FUT4: variants seen among roughly 807,000 people sequenced by gnomAD.
The protein encoded by FUT4 is fucosyltransferase 4.
Under a neutral mutation model 3.8 loss-of-function variants are expected in FUT4, and 1 was observed. The observed-to-expected ratio is 0.26, with a 90% CI of 0.09 to 1.25. FUT4 has a LOEUF of 1.25. Ranked by LOEUF, FUT4 falls within the 50% of genes most tolerant of loss-of-function variation. FUT4 has a pLI of 0.47. For missense variants in FUT4, 880 were observed against 768.2 expected (o/e 1.15, Z -1.72); for synonymous variants, 417 against 355.3 (o/e 1.17, Z -1.95).
Position 94,545,810 on chromosome 11 carries a change from A to C in FUT4, c.*84A>C. On this transcript the variant is annotated 3_prime_UTR_variant, in exon 1 of 1. Coordinates refer to ENST00000358752, the MANE Select transcript of FUT4 (RefSeq NM_002033.4). ...TACTGTGCATCTCCTTGACTGCCGC[A>C]TCATGGGAGTAAGTTCTTCAAACAC... The C allele has an allele frequency of 6.8e-6, 10 of 1,463,100 alleles. No individual in the cohort carries two copies. Among genetic ancestry groups the C allele is most frequent in the Non-Finnish European group, 9.4e-6 (10 of 1,066,590 alleles). 90.6% of individuals were successfully genotyped at this position (1,463,100 alleles called of 1,614,324 possible). A position where few individuals can be genotyped will look rare whatever the true frequency, so the allele number is the denominator to read the frequency against.
In FUT4 at chr11:94,545,833, C is replaced by CA; in HGVS notation, c.*108dup. 7.5e-7 allele frequency: 1 copy of CA among 1,339,084 alleles called. No individual in the cohort carries two copies. Among genetic ancestry groups the CA allele is most frequent in the South Asian group, 1.3e-5 (1 of 79,332 alleles). The allele number at this position is 1,339,084 out of a possible 1,614,324, so 83.0% of individuals were successfully genotyped here. ...GCATCATGGGAGTAAGTTCTTCAAACACCCATTTTTGCTCTATGGGAAAAA... is the reference window on the plus strand; with the variant it reads ...GCATCATGGGAGTAAGTTCTTCAAACAACCCATTTTTGCTCTATGGGAAAAA... On this transcript the variant is annotated 3_prime_UTR_variant, in exon 1 of 1. Coordinates refer to ENST00000358752, the MANE Select transcript of FUT4 (RefSeq NM_002033.4).
rs1282869284 is a variant in FUT4 at position 94,549,376 on chromosome 11, A to G, written c.*3650A>G. 2 of 167,190 alleles carry G rather than the reference A, an allele frequency of 1.2e-5. No homozygotes were observed. The highest frequency in any genetic ancestry group is 6.5e-5 in the Admixed American group (1 of 15,308). The allele number at this position is 167,190 out of a possible 1,614,324, so 10.4% of individuals were successfully genotyped here. A position where few individuals can be genotyped will look rare whatever the true frequency, so the allele number is the denominator to read the frequency against. On this transcript the variant is annotated 3_prime_UTR_variant, in exon 1 of 1. Coordinates refer to ENST00000358752, the MANE Select transcript of FUT4 (RefSeq NM_002033.4). ...ACTGAAGGACTTGCATAACATTACA[A>G]TAGCAGTGGCAGAACCAGCCATGCT...
At position 94,545,063 on chromosome 11, in the gene FUT4, A is replaced by G. The variant is rs1202838659; in HGVS notation, c.930A>G (p.Ala310=). 6.2e-7 allele frequency: 1 copy of G among 1,612,526 alleles called. No individual in the cohort carries two copies. The highest frequency in any genetic ancestry group is 8.5e-7 in the Non-Finnish European group (1 of 1,179,698). ...PSHSPGLRSL[A]SNLFNWTLSY... Reference sequence around the variant, plus strand: ...ACTCCCCGGGGCTGCGAAGCCTGGCAAGTAACCTCTTCAACTGGACGCTCT... The same window carrying G: ...ACTCCCCGGGGCTGCGAAGCCTGGCGAGTAACCTCTTCAACTGGACGCTCT... The change falls in exon 1 of 1, where the codon GCA becomes GCG. Residue 310 remains alanine, a synonymous_variant. Coordinates refer to ENST00000358752, the MANE Select transcript of FUT4 (RefSeq NM_002033.4).
rs1947858634 is a variant in FUT4 at position 94,546,082 on chromosome 11, A to G, written c.*356A>G. On this transcript the variant is annotated 3_prime_UTR_variant, in exon 1 of 1. Transcript: ENST00000358752. Reference sequence around the variant, plus strand: ...AATTTCCCCATCTGCCACAGGCCATATTTGTGGCCCGTGCAGCTTCCAAAT... The same window carrying G: ...AATTTCCCCATCTGCCACAGGCCATGTTTGTGGCCCGTGCAGCTTCCAAAT... 2 of 393,740 alleles carry G rather than the reference A, an allele frequency of 5.1e-6. No homozygotes were observed. Among genetic ancestry groups the G allele is most frequent in the African/African-American group, 4.2e-5 (2 of 47,850 alleles). 24.4% of individuals were successfully genotyped at this position (393,740 alleles called of 1,614,324 possible). A position where few individuals can be genotyped will look rare whatever the true frequency, so the allele number is the denominator to read the frequency against.
In FUT4 at chr11:94,546,302, A is replaced by C. The variant is rs1947861664; in HGVS notation, c.*576A>C. On this transcript the variant is annotated 3_prime_UTR_variant, in exon 1 of 1. Coordinates refer to ENST00000358752, the MANE Select transcript of FUT4 (RefSeq NM_002033.4). ...CCAAGAGGGGCCGCTGACTTCTTTCACAAGTACTATCTGTTCCCCTGTCCT... is the reference window on the plus strand; with the variant it reads ...CCAAGAGGGGCCGCTGACTTCTTTCCCAAGTACTATCTGTTCCCCTGTCCT... 4.3e-6 allele frequency: 1 copy of C among 234,060 alleles called. No homozygotes were observed. Among genetic ancestry groups the C allele is most frequent in the East Asian group, 1.1e-4 (1 of 9,306 alleles). 14.5% of individuals were successfully genotyped at this position (234,060 alleles called of 1,614,324 possible).
Position 94,544,969 on chromosome 11 carries a change from C to G in FUT4, c.836C>G (p.Ala279Gly). Residue 279 changes from alanine (A) to glycine (G), a missense_variant, in exon 1 of 1, where the codon GCC becomes GGC. Around this residue, in one of 3 missense-constraint regions of FUT4, gnomAD observed 424 missense variants for 400.4 expected, o/e 1.06. Transcript: ENST00000358752. ...DYEEAAAAAE[A>G]LATSSPRPPG... ...GAGGAGGCAGCGGCGGCGGCAGAAG[C>G]CCTGGCGACCTCCAGCCCCAGGCCC... 1 of 1,605,902 alleles carries G rather than the reference C, an allele frequency of 6.2e-7. No homozygotes were observed. The highest frequency in any genetic ancestry group is 8.5e-7 in the Non-Finnish European group (1 of 1,176,612).
In FUT4 at chr11:94,545,227, A is replaced by T; in HGVS notation, c.1094A>T (p.Asp365Val). The T allele has an allele frequency of 6.2e-7, 1 of 1,610,910 alleles. No homozygotes were observed. Among genetic ancestry groups the T allele is most frequent in the Non-Finnish European group, 8.5e-7 (1 of 1,179,804 alleles). Residue 365 changes from aspartate to valine, a missense_variant, in exon 1 of 1, where the codon GAC becomes GTC. This residue lies in a region of FUT4 where 424 missense variants were observed against 400.4 expected (regional missense o/e 1.06). Transcript: ENST00000358752. Reference protein sequence around the residue: ...GLVAWVVSHWDERQARVRYYH... With the variant: ...GLVAWVVSHWVERQARVRYYH... ...GTGGCATGGGTGGTGAGCCACTGGGACGAGCGCCAGGCCCGGGTCCGCTAC... is the reference window on the plus strand; with the variant it reads ...GTGGCATGGGTGGTGAGCCACTGGGTCGAGCGCCAGGCCCGGGTCCGCTAC...
rs766510585 is a variant in FUT4, at chr11:94,545,131, T to C, written c.998T>C (p.Leu333Pro). ...DSDVFVPYGYLYPRSHPGDPP... is the reference protein window; with the variant it reads ...DSDVFVPYGYPYPRSHPGDPP... ...GACGTCTTTGTGCCTTATGGCTACCTCTACCCCAGAAGCCACCCCGGCGAC... is the reference window on the plus strand; with the variant it reads ...GACGTCTTTGTGCCTTATGGCTACCCCTACCCCAGAAGCCACCCCGGCGAC... The change falls in exon 1 of 1, where the codon CTC (leucine) becomes CCC (proline). Residue 333 changes from leucine (L) to proline (P), a missense_variant. Coordinates refer to ENST00000358752, the MANE Select transcript of FUT4 (RefSeq NM_002033.4). 1 of 1,612,356 alleles carries C rather than the reference T, an allele frequency of 6.2e-7. No homozygotes were observed. The highest frequency in any genetic ancestry group is 8.5e-7 in the Non-Finnish European group (1 of 1,179,838).
rs1480773697 is a variant in FUT4 at position 94,544,706 on chromosome 11, G to A, written c.573G>A (p.Val191=). 1.3e-6 allele frequency: 2 copies of A among 1,549,840 alleles called. No individual in the cohort carries two copies. The highest frequency in any genetic ancestry group is 1.7e-6 in the Non-Finnish European group (2 of 1,161,524). The change falls in exon 1 of 1, where the codon GTG becomes GTA. Residue 191 remains valine (V), a synonymous_variant. Coordinates refer to ENST00000358752, the MANE Select transcript of FUT4 (RefSeq NM_002033.4). ...CAACCCCGTCGCGACCGGTGGGCGT[G>A]CTGCTGTGGTGGGAGCCCTTCGGGG... ...ASPTPSRPVG[V]LLWWEPFGGR...
chr11:94,545,475 G>T lies in FUT4; in HGVS notation c.1342G>T (p.Glu448Ter), dbSNP rs759566244. Residue 448 changes from glutamate (E) to a stop codon, truncating the protein, a stop_gained, in exon 1 of 1, where the codon GAG becomes TAG. Transcript: ENST00000358752. LOFTEE classifies it high-confidence loss of function. ...VVLGPDRANY[E>*]RFVPRGAFIH... ...GCTGGGCCCAGACCGTGCCAACTAC[G>T]AGCGCTTTGTGCCCCGCGGCGCCTT... 2 of 1,613,478 alleles carry T rather than the reference G, an allele frequency of 1.2e-6. No homozygotes were observed. The highest frequency in any genetic ancestry group is 2.2e-5 in the East Asian group (1 of 44,846).
rs1013457720 is a variant in FUT4 at position 94,544,447 on chromosome 11, G to A, written c.314G>A (p.Arg105Gln). The A allele has an allele frequency of 3.3e-6, 5 of 1,510,326 alleles. No homozygotes were observed. In the African/African-American group the frequency reaches 7.2e-5, roughly 22 times the overall value. 93.6% of individuals were successfully genotyped at this position (1,510,326 alleles called of 1,614,324 possible). A position where few individuals can be genotyped will look rare whatever the true frequency, so the allele number is the denominator to read the frequency against. ...GAGCCGCAGCTACAGCATGAGAGCCGGTGCCGCTCCTCCACGCCTGCGGAC... is the reference window on the plus strand; with the variant it reads ...GAGCCGCAGCTACAGCATGAGAGCCAGTGCCGCTCCTCCACGCCTGCGGAC... Reference protein sequence around the residue: ...RLEPQLQHESRCRSSTPADAW... With the variant: ...RLEPQLQHESQCRSSTPADAW... Residue 105 changes from arginine (R) to glutamine (Q), a missense_variant, in exon 1 of 1, where the codon CGG becomes CAG. Physicochemically the swap from Arg to Gln is conservative, Grantham distance 43. Coordinates refer to ENST00000358752, the MANE Select transcript of FUT4 (RefSeq NM_002033.4).
Position 94,547,519 on chromosome 11 carries a change from C to T in FUT4, c.*1793C>T, listed in dbSNP as rs1947877394. On this transcript the variant is annotated 3_prime_UTR_variant, in exon 1 of 1. Coordinates refer to ENST00000358752, the MANE Select transcript of FUT4 (RefSeq NM_002033.4). ...CTCTGTACATGTTTTTGCAGACATA[C>T]TTGAAAAGCTCACTTAAATCTAGGT... The T allele has an allele frequency of 6.0e-6, 1 of 166,858 alleles. No individual in the cohort carries two copies. The highest frequency in any genetic ancestry group is 1.5e-5 in the Non-Finnish European group (1 of 68,108). The allele number at this position is 166,858 out of a possible 1,614,324, so 10.3% of individuals were successfully genotyped here.
At position 94,544,418 on chromosome 11, in the gene FUT4, G is replaced by C; in HGVS notation, c.285G>C (p.Arg95=). 6.6e-7 allele frequency: 1 copy of C among 1,525,652 alleles called. No individual in the cohort carries two copies. The highest frequency in any genetic ancestry group is 8.7e-7 in the Non-Finnish European group (1 of 1,144,354). The allele number at this position is 1,525,652 out of a possible 1,614,324, so 94.5% of individuals were successfully genotyped here. A position where few individuals can be genotyped will look rare whatever the true frequency, so the allele number is the denominator to read the frequency against. Residue 95 remains arginine, a synonymous_variant, in exon 1 of 1, where the codon CGG becomes CGC. Coordinates refer to ENST00000358752, the MANE Select transcript of FUT4 (RefSeq NM_002033.4). ...GGGCCAGCGGCGAGCGGCAGCGACGGCTGGAGCCGCAGCTACAGCATGAGA... is the reference window on the plus strand; with the variant it reads ...GGGCCAGCGGCGAGCGGCAGCGACGCCTGGAGCCGCAGCTACAGCATGAGA... ...HSRASGERQR[R]LEPQLQHESR...
chr11:94,545,543 G>C lies in FUT4; in HGVS notation c.1410G>C (p.Ser470=). The change falls in exon 1 of 1, where the codon TCG becomes TCC. Residue 470 remains serine (S), a synonymous_variant. Transcript: ENST00000358752. Reference sequence around the variant, plus strand: ...TCCCAAGTGCCTCCTCCCTGGCCTCGTACCTGCTTTTCCTCGACCGCAACC... The same window carrying C: ...TCCCAAGTGCCTCCTCCCTGGCCTCCTACCTGCTTTTCCTCGACCGCAACC... ...DDFPSASSLA[S]YLLFLDRNPA... is the part of the protein sequence containing the mutation. 1 of 1,613,752 alleles carries C rather than the reference G, an allele frequency of 6.2e-7. No individual in the cohort carries two copies. Among genetic ancestry groups the C allele is most frequent in the Non-Finnish European group, 8.5e-7 (1 of 1,180,012 alleles).
rs1337669642 is a variant in FUT4 at position 94,545,810 on chromosome 11, A to G, written c.*84A>G. On this transcript the variant is annotated 3_prime_UTR_variant, in exon 1 of 1. Transcript: ENST00000358752. The stretch of plus-strand genomic sequence containing the variant: ...TACTGTGCATCTCCTTGACTGCCGC[A>G]TCATGGGAGTAAGTTCTTCAAACAC... 10 of 1,463,100 alleles carry G rather than the reference A, an allele frequency of 6.8e-6. No individual in the cohort carries two copies. The Admixed American group carries it at 1.8e-4, about 26-fold the overall frequency. 90.6% of individuals were successfully genotyped at this position (1,463,100 alleles called of 1,614,324 possible). A position where few individuals can be genotyped will look rare whatever the true frequency, so the allele number is the denominator to read the frequency against.
At position 94,544,433 on chromosome 11, in the gene FUT4, A is replaced by G. The variant is rs1190858648; in HGVS notation, c.300A>G (p.Leu100=). 2.0e-6 allele frequency: 3 copies of G among 1,521,036 alleles called. No homozygotes were observed. Among genetic ancestry groups the G allele is most frequent in the Admixed American group, 4.0e-5 (2 of 50,628 alleles). 94.2% of individuals were successfully genotyped at this position (1,521,036 alleles called of 1,614,324 possible). A position where few individuals can be genotyped will look rare whatever the true frequency, so the allele number is the denominator to read the frequency against. The change falls in exon 1 of 1, where the codon CTA becomes CTG. Residue 100 remains leucine (L), a synonymous_variant. Coordinates refer to ENST00000358752, the MANE Select transcript of FUT4 (RefSeq NM_002033.4). ...GERQRRLEPQ[L]QHESRCRSST... ...GGCAGCGACGGCTGGAGCCGCAGCT[A>G]CAGCATGAGAGCCGGTGCCGCTCCT...
chr11:94,544,377 G>GC lies in FUT4; in HGVS notation c.249dup (p.Phe84LeufsTer20). 1.9e-6 allele frequency: 3 copies of GC among 1,542,404 alleles called. No homozygotes were observed. The highest frequency in any genetic ancestry group is 1.2e-5 in the South Asian group (1 of 84,996). The stretch of plus-strand genomic sequence containing the variant: ...CCCGCGGCCTTTGCATTCTGGGACC[G>GC]CCCCCTTCCATTCCCGGGCCAGCGG... On this transcript the variant is annotated frameshift_variant, in exon 1 of 1. Coordinates refer to ENST00000358752, the MANE Select transcript of FUT4 (RefSeq NM_002033.4). LOFTEE classifies it low-confidence loss of function (END_TRUNC).
In FUT4 at chr11:94,546,458, A is replaced by AG. The variant is rs565861988; in HGVS notation, c.*736dup. On this transcript the variant is annotated 3_prime_UTR_variant, in exon 1 of 1. Coordinates refer to ENST00000358752, the MANE Select transcript of FUT4 (RefSeq NM_002033.4). ...AATCAAGTCCCAAATTCATTGACTT[A>AG]GGGGAGTTCAGTATTTAATGAAACC... 1.8e-3 allele frequency: 301 copies of AG among 170,548 alleles called. 2 individuals are homozygous for AG. Among genetic ancestry groups the AG allele is most frequent in the African/African-American group, 6.7e-3 (278 of 41,610 alleles). 10.6% of individuals were successfully genotyped at this position (170,548 alleles called of 1,614,324 possible).
At position 94,548,719 on chromosome 11, in the gene FUT4, T is replaced by C. The variant is rs1947893725; in HGVS notation, c.*2993T>C. 6.0e-6 allele frequency: 1 copy of C among 167,096 alleles called. No individual in the cohort carries two copies. The highest frequency in any genetic ancestry group is 1.5e-5 in the Non-Finnish European group (1 of 68,116). The allele number at this position is 167,096 out of a possible 1,614,324, so 10.4% of individuals were successfully genotyped here. ...TCGGTGCACTGTATGTATTTCAAAA[T>C]GCCTTTCCTATGATTGTCATGTCCT... On this transcript the variant is annotated 3_prime_UTR_variant, in exon 1 of 1. Coordinates refer to ENST00000358752, the MANE Select transcript of FUT4 (RefSeq NM_002033.4).
Sources: allele counts gnomAD v4.1 joint callset, GRCh38; gene constraint gnomAD v4.1.1; regional missense constraint gnomAD v4.1.1; transcripts MANE v1.5; gene names NCBI Gene and HGNC (gene_info 2026-07-23, HGNC 2026-07-21).